Variants in ZSWIM6 observed in about 807,000 individuals in gnomAD.
The protein encoded by ZSWIM6 is zinc finger SWIM-type containing 6, also known as zinc finger SWIM domain-containing protein 6.
Under a neutral mutation model 113.2 loss-of-function variants are expected in ZSWIM6, and 9 were observed. The ratio of observed to expected loss-of-function variants is 0.08; its 90% CI spans 0.05 to 0.14. The LOEUF (loss-of-function observed/expected upper bound fraction) is 0.14. Ranked by LOEUF, ZSWIM6 falls within the 10% of genes least tolerant of loss-of-function variation. ZSWIM6 has a pLI of 1.00. For synonymous variants in ZSWIM6, 611 were observed against 606.5 expected (o/e 1.01, Z -0.11); for missense variants, 1,162 against 1,552.2 (o/e 0.75, Z 4.22).
intron 1 of ZSWIM6, among the ~76,000 whole-genome samples, chr5:61,442,323 C>T (rs1262149935): frequency 2.6e-5 from 4 of 152,092 alleles, no homozygotes; most frequent in Non-Finnish European, 2.9e-5. Flanking sequence ...ACAGTTGGGC[C>T]AGTTTCGGTC....
intron 2 of ZSWIM6, among the ~76,000 whole-genome samples, chr5:61,477,940 A>G (rs183077307): frequency 1.3e-5 from 2 of 152,322 alleles, no homozygotes; most frequent in Non-Finnish European, 2.9e-5. Flanking sequence ...TTATGTTCCA[A>G]ATCTACCAGT....
At chr5:61,333,004 G>T (rs1579934407) in intron 1 of ZSWIM6, 56 bp downstream of exon 1, 3 of 906,266 alleles carry the variant, frequency 3.3e-6, no homozygotes, top group Non-Finnish European at 2.8e-6. Flanking sequence ...CTGGGTGGGG[G>T]GGGGGTGCCC....
intron 1 of ZSWIM6, among the ~76,000 whole-genome samples, chr5:61,384,881 T>C (rs371538870): frequency 1.4e-4 from 22 of 151,992 alleles, no homozygotes; most frequent in South Asian, 2.1e-4. Flanking sequence ...CATGGTGAAA[T>C]CCCGTCTCTA....
chr5:61,494,868 A>C (rs1183471839), intron 4 of ZSWIM6, among the ~76,000 whole-genome samples: 1 of 152,158 alleles, frequency 6.6e-6, no homozygotes, highest in East Asian at 1.9e-4. Flanking sequence ...GTCGATCCTC[A>C]GAATGGAAAA....
chr5:61,446,072 C>T (rs1052325312), intron 1 of ZSWIM6, among the ~76,000 whole-genome samples: 1 of 152,140 alleles, frequency 6.6e-6, no homozygotes, highest in Non-Finnish European at 1.5e-5. Flanking sequence ...GTACTCTTGT[C>T]GCCAGGCTGA....
In ZSWIM6 at chr5:61,541,170, C is replaced by A. The variant is rs1749726507; in HGVS notation, c.2704-714C>A. Among the ~76,000 whole-genome samples, 3 of 152,058 alleles carry A rather than the reference C, an allele frequency of 2.0e-5. No homozygotes were observed. The South Asian group carries it at 6.2e-4, about 32-fold the overall frequency. ...TATTGGCCAGGCTGGTCTCAAACTCCTGACCTCGTGATCCATTCCGCCTCA... is the reference window on the plus strand; with the variant it reads ...TATTGGCCAGGCTGGTCTCAAACTCATGACCTCGTGATCCATTCCGCCTCA... On this transcript the variant is annotated intron_variant, in intron 12 of 13. Coordinates refer to ENST00000252744, the MANE Select transcript of ZSWIM6 (RefSeq NM_020928.2).
At chr5:61,341,246 G>GA (rs397722165) in intron 1 of ZSWIM6, among the ~76,000 whole-genome samples, 2 of 626 alleles carry the variant, frequency 3.2e-3, no homozygotes, top group Admixed American at 0.018. Context: ...CAATGGGGGT[G>GA]CATCCCATCC....
rs1176945911 is a variant in ZSWIM6, at chr5:61,530,070, T to G, written c.1856T>G (p.Ile619Arg). Residue 619 changes from isoleucine (I) to arginine (R), a missense_variant, in exon 8 of 14, where the codon ATA (isoleucine) becomes AGA (arginine). Physicochemically the swap from Ile to Arg is moderately conservative, Grantham distance 97. Coordinates refer to ENST00000252744, the MANE Select transcript of ZSWIM6 (RefSeq NM_020928.2). Reference protein sequence around the residue: ...TQKKELPHKNITSITNLEGWV... With the variant: ...TQKKELPHKNRTSITNLEGWV... The stretch of plus-strand genomic sequence containing the variant: ...TACACAGAGCTACCCCATAAAAACA[T>G]AACCTCGATAACCAATCTGGAGGGC... The G allele has an allele frequency of 6.4e-7, 1 of 1,551,260 alleles. No homozygotes were observed. Among genetic ancestry groups the G allele is most frequent in the Admixed American group, 2.0e-5 (1 of 50,980 alleles).
chr5:61,456,628 A>G lies in ZSWIM6; in HGVS notation c.677-16053A>G, dbSNP rs1747210251. Among the ~76,000 whole-genome samples, 5 of 152,328 alleles carry G rather than the reference A, an allele frequency of 3.3e-5. No homozygotes were observed. In the South Asian group the frequency reaches 1.0e-3, roughly 32 times the overall value. On this transcript the variant is annotated intron_variant, in intron 1 of 13. Coordinates refer to ENST00000252744, the MANE Select transcript of ZSWIM6 (RefSeq NM_020928.2). ...TGCTGTGCATATGTATATAAAGGTA[A>G]CTTTGATAGCAGAGTGAAGGATAAG... is the stretch of plus-strand genomic sequence containing the variant.
At chr5:61,438,286 T>C (rs1746753044) in intron 1 of ZSWIM6, among the ~76,000 whole-genome samples, 1 of 152,210 alleles carries the variant, frequency 6.6e-6, no homozygotes, top group Non-Finnish European at 1.5e-5. Context: ...AAAAGAACAA[T>C]TCCAGTATTA....
intron 1 of ZSWIM6, among the ~76,000 whole-genome samples, chr5:61,359,193 G>T (rs1744981580): frequency 6.6e-6 from 1 of 152,118 alleles, no homozygotes; most frequent in Non-Finnish European, 1.5e-5. Context: ...TCCAGATATG[G>T]AGGGACCAAA....
chr5:61,375,813 G>A (rs1249638268), intron 1 of ZSWIM6: 1 of 1,234,360 alleles, frequency 8.1e-7, no homozygotes, highest in Non-Finnish European at 1.2e-6. Context: ...ACAGTAAGAA[G>A]AAGAAAAAGA....
At chr5:61,416,204 C>T (rs1746249393) in intron 1 of ZSWIM6, among the ~76,000 whole-genome samples, 2 of 152,158 alleles carry the variant, frequency 1.3e-5, no homozygotes, top group Admixed American at 1.3e-4. Context: ...GCAGAAAGGC[C>T]GGTTTTCACA....
At chr5:61,399,652 G>A (rs538413819) in intron 1 of ZSWIM6, among the ~76,000 whole-genome samples, 1 of 152,302 alleles carries the variant, frequency 6.6e-6, no homozygotes, top group South Asian at 2.1e-4. Flanking sequence ...GGCTATCTGA[G>A]TAACTTTGAA....
chr5:61,384,100 GC>G (rs1745543955), intron 1 of ZSWIM6, among the ~76,000 whole-genome samples: 1 of 150,308 alleles, frequency 6.7e-6, no homozygotes, highest in East Asian at 2.0e-4. Context: ...AATTAGCCGG[GC>G]GCGGTGGCGG....
At chr5:61,500,747 T>C (rs559918806) in intron 4 of ZSWIM6, among the ~76,000 whole-genome samples, 9 of 152,288 alleles carry the variant, frequency 5.9e-5, no homozygotes, top group Admixed American at 2.0e-4. Context: ...ATCATAAATA[T>C]AGGTACTACA....
intron 1 of ZSWIM6, among the ~76,000 whole-genome samples, chr5:61,450,890 G>A (rs1381133071): frequency 6.6e-6 from 1 of 152,168 alleles, no homozygotes; most frequent in African/African-American, 2.4e-5. Flanking sequence ...GAGTAGTCAA[G>A]TGTATTTCTT....
chr5:61,432,843 A>G (rs950375697), intron 1 of ZSWIM6, among the ~76,000 whole-genome samples: 1 of 152,190 alleles, frequency 6.6e-6, no homozygotes, highest in Non-Finnish European at 1.5e-5. Context: ...CAGGAAGCCA[A>G]CAAAACAAAA....
At chr5:61,538,719 C>A in intron 10 of ZSWIM6, 95 bp from the exon 11 acceptor site, 1 of 1,373,444 alleles carries the variant, frequency 7.3e-7, no homozygotes, top group Non-Finnish European at 9.8e-7. Flanking sequence ...GCCTGAACAT[C>A]TACCCACTCC....
Sources: allele counts gnomAD v4.1 joint callset (sites outside exome capture counted in the v4.1 genomes callset), GRCh38; gene constraint gnomAD v4.1.1; transcripts MANE v1.5; gene names NCBI Gene and HGNC (gene_info 2026-07-23, HGNC 2026-07-21).